BPTF: variants seen among roughly 807,000 people sequenced by gnomAD.
BPTF encodes bromodomain PHD finger transcription factor.
A neutral mutation model predicts 292.5 loss-of-function variants in BPTF; 18 were observed. That is an observed-to-expected ratio of 0.06 (90% CI 0.04 to 0.09). BPTF has a LOEUF of 0.09. Ranked by LOEUF, BPTF falls within the 10% of genes least tolerant of loss-of-function variation. The probability of loss-of-function intolerance (pLI) is 1.00; values close to 1 mark genes in which losing one functional copy is unlikely to be tolerated. For synonymous variants in BPTF, 1,225 were observed against 1,251.9 expected (o/e 0.98, Z 0.45); for missense variants, 2,726 against 3,498.7 (o/e 0.78, Z 5.57).
intron 12 of BPTF, among the ~76,000 whole-genome samples, 167 bp from the exon 13 acceptor site, chr17:67,919,848 T>C (rs1190812494): frequency 2.6e-5 from 4 of 152,320 alleles, no homozygotes; most frequent in Admixed American, 1.3e-4. Flanking sequence ...CTCAGTATTG[T>C]TGCAGTCTAG....
chr17:67,876,063 C>T (rs1296260448), intron 4 of BPTF, among the ~76,000 whole-genome samples: 1 of 152,262 alleles, frequency 6.6e-6, no homozygotes, highest in East Asian at 1.9e-4. Flanking sequence ...ACTAATGGCT[C>T]AATGTTGAAT....
intron 4 of BPTF, among the ~76,000 whole-genome samples, chr17:67,888,245 G>A (rs2060869139): frequency 6.6e-6 from 1 of 151,948 alleles, no homozygotes; most frequent in Admixed American, 6.6e-5. Context: ...GTTACATCCT[G>A]TAATTGTATC....
At chr17:67,833,507 T>G (rs1363230019) in intron 1 of BPTF, among the ~76,000 whole-genome samples, 1 of 152,204 alleles carries the variant, frequency 6.6e-6, no homozygotes, top group African/African-American at 2.4e-5. Flanking sequence ...TACGTATGTT[T>G]TCATTTCTCT....
At chr17:67,934,870 C>CA (rs569120237) in intron 18 of BPTF, among the ~76,000 whole-genome samples, 57,548 of 90,936 alleles carry the variant, frequency 0.63, 19,686 homozygotes, top group Non-Finnish European at 0.69. Flanking sequence ...AACTCTGTCT[C>CA]AAAAAAAAAA....
chr17:67,934,267 T>C (rs1598759481), intron 18 of BPTF, among the ~76,000 whole-genome samples: 1 of 151,148 alleles, frequency 6.6e-6, no homozygotes, highest in Non-Finnish European at 1.5e-5. Context: ...CCTATAATCC[T>C]AGCACTTTGG....
Position 67,826,228 on chromosome 17 carries a change from G to A in BPTF, c.504G>A (p.Glu168=). ...SEDDEEDEME[E]DDDDSDYPEE... Reference sequence around the variant, plus strand: ...ACGACGAGGAGGATGAGATGGAAGAGGACGACGATGACTCCGATTATCCGG... The same window carrying A: ...ACGACGAGGAGGATGAGATGGAAGAAGACGACGATGACTCCGATTATCCGG... Residue 168 remains glutamate, a synonymous_variant, in exon 1 of 28, where the codon GAG becomes GAA. Transcript: ENST00000306378. 6.2e-7 allele frequency: 1 copy of A among 1,613,820 alleles called. No individual in the cohort carries two copies. The highest frequency in any genetic ancestry group is 8.5e-7 in the Non-Finnish European group (1 of 1,179,842).
At chr17:67,840,715 A>C (rs1297379356) in intron 1 of BPTF, among the ~76,000 whole-genome samples, 1 of 151,880 alleles carries the variant, frequency 6.6e-6, no homozygotes, top group Non-Finnish European at 1.5e-5. Context: ...GGCACATGCC[A>C]CTATGCCTGG....
chr17:67,947,666 C>A (rs1239185698), intron 21 of BPTF, 60 bp from the exon 22 acceptor site: 3 of 1,268,812 alleles, frequency 2.4e-6, no homozygotes, highest in African/African-American at 3.0e-5. Flanking sequence ...CTGTTGTTAT[C>A]TGTGTACTAA....
At chr17:67,928,204 A>G (rs1409227527) in intron 15 of BPTF, 151 bp from the exon 16 acceptor site, 16 of 852,936 alleles carry the variant, frequency 1.9e-5, no homozygotes, top group African/African-American at 6.9e-5. Flanking sequence ...GTAAATTTAT[A>G]TGGACATATA....
At chr17:67,924,263 T>G (rs900317165) in intron 14 of BPTF, among the ~76,000 whole-genome samples, 1 of 152,172 alleles carries the variant, frequency 6.6e-6, no homozygotes, top group Non-Finnish European at 1.5e-5. Flanking sequence ...CCTGAGCCAC[T>G]GTGCCCAGCT....
rs1555685499 is a variant in BPTF, at chr17:67,964,201, G to A, written c.8262-11G>A. 6.3e-7 allele frequency: 1 copy of A among 1,599,256 alleles called. No homozygotes were observed. The stretch of plus-strand genomic sequence containing the variant: ...TGTTTTGAACTCACATTTCCATTTC[G>A]GATCTTGCAGATTTTATATTGGCTG... On this transcript the variant is annotated splice_polypyrimidine_tract_variant and intron_variant, in intron 24 of 27. Coordinates refer to ENST00000306378, the MANE Select transcript of BPTF (RefSeq NM_182641.4).
In BPTF at chr17:67,929,358, A is replaced by G. The variant is rs1372873513; in HGVS notation, c.6021A>G (p.Lys2007=). Residue 2007 remains lysine (K), a synonymous_variant, in exon 17 of 28, where the codon AAA becomes AAG. Transcript: ENST00000306378. ...AAGGCGTTGTTCAAGTACAGCAGAA[A>G]GTCCTGGGTATCATTCCATCAAGTA... is the stretch of plus-strand genomic sequence containing the variant. The part of the protein sequence containing the change: ...SNSGVVQVQQ[K]VLGIIPSSTG... 4.3e-6 allele frequency: 7 copies of G among 1,613,854 alleles called. No individual in the cohort carries two copies. Among genetic ancestry groups the G allele is most frequent in the Non-Finnish European group, 5.9e-6 (7 of 1,179,926 alleles).
intron 4 of BPTF, among the ~76,000 whole-genome samples, chr17:67,890,710 A>G (rs1161865521): frequency 3.9e-5 from 6 of 152,236 alleles, no homozygotes; most frequent in Admixed American, 2.0e-4. Context: ...GGTATGGAAC[A>G]GGTAAAATTA....
At chr17:67,928,744 T>G (rs1274539746) in intron 16 of BPTF, 143 bp downstream of exon 16, 1 of 1,158,702 alleles carries the variant, frequency 8.6e-7, no homozygotes, top group East Asian at 2.6e-5. Flanking sequence ...ACGGTTGGTT[T>G]GTTACAAATA....
At chr17:67,884,199 G>T (rs543872635) in intron 4 of BPTF, among the ~76,000 whole-genome samples, 1 of 148,638 alleles carries the variant, frequency 6.7e-6, no homozygotes, top group African/African-American at 2.5e-5. Flanking sequence ...GTGCAGTGGC[G>T]CAATCTCAGC....
intron 15 of BPTF, among the ~76,000 whole-genome samples, chr17:67,925,296 A>G (rs2063778661): frequency 6.6e-6 from 1 of 152,178 alleles, no homozygotes; most frequent in Admixed American, 6.6e-5. Context: ...AAAGTATGCT[A>G]AAACTCCATA....
chr17:67,895,653 G>T (rs1401498216), intron 7 of BPTF, among the ~76,000 whole-genome samples: 1 of 151,816 alleles, frequency 6.6e-6, no homozygotes, highest in African/African-American at 2.4e-5. Context: ...TATAGACACG[G>T]GGTCTCATTA....
At chr17:67,922,189 G>A (rs111509620) in intron 13 of BPTF, among the ~76,000 whole-genome samples, 6 of 152,222 alleles carry the variant, frequency 3.9e-5, no homozygotes, top group African/African-American at 1.4e-4. Flanking sequence ...CTTCTCTTTG[G>A]CTTGTATCCC....
At chr17:67,901,239 T>C (rs547151421) in intron 7 of BPTF, among the ~76,000 whole-genome samples, 1 of 151,898 alleles carries the variant, frequency 6.6e-6, no homozygotes, top group East Asian at 1.9e-4. Context: ...AGGGAAAGCA[T>C]GTTTGGGAAG....
Sources: allele counts gnomAD v4.1 joint callset (sites outside exome capture counted in the v4.1 genomes callset), GRCh38; gene constraint gnomAD v4.1.1; transcripts MANE v1.5; gene names NCBI Gene and HGNC (gene_info 2026-07-23, HGNC 2026-07-21).